The following TOP1MT variants were observed in gnomAD, a reference collection of about 807,000 sequenced individuals.
TOP1MT encodes the protein DNA topoisomerase I, mitochondrial.
In TOP1MT, 80 loss-of-function variants were observed where a neutral mutation model predicts 73.9. The ratio of observed to expected loss-of-function variants is 1.08; its 90% CI spans 0.90 to 1.30. TOP1MT has a LOEUF of 1.30. Among genes scored for constraint, TOP1MT ranks in the 50% most tolerant of loss-of-function variants. TOP1MT has a pLI of 0.00. For synonymous variants in TOP1MT, 338 were observed against 326.4 expected, an observed-to-expected ratio of 1.04 and a Z score of -0.38; for missense variants, 815 against 808.0, an observed-to-expected ratio of 1.01 and a Z score of -0.10.
intron 7 of TOP1MT, among the ~76,000 whole-genome samples, chr8:143,322,935 CAG>C (rs1335199237): frequency 3.4e-5 from 4 of 118,606 alleles, no homozygotes; most frequent in African/African-American, 1.2e-4. Context: ...ACGCCACACA[CAG>C]GCACGCCACA....
chr8:143,331,132 G>T (rs929408748), intron 2 of TOP1MT, 92 bp downstream of exon 2: 2 of 978,818 alleles, frequency 2.0e-6, no homozygotes, highest in Non-Finnish European at 1.5e-6. Context: ...AAGCCTGCAG[G>T]GGGGCTGAGG....
intron 2 of TOP1MT, chr8:143,343,212 A>G (rs1383583770): frequency 4.4e-6 from 2 of 456,194 alleles, no homozygotes; most frequent in Non-Finnish European, 4.4e-6. Context: ...CCTATTTAAG[A>G]TGCCGACTTG....
chr8:143,325,606 C>T (rs1816686438), intron 4 of TOP1MT, 73 bp from the exon 5 acceptor site: 2 of 1,379,232 alleles, frequency 1.5e-6, no homozygotes, highest in Admixed American at 1.8e-5. Flanking sequence ...TTGTTGCTAA[C>T]CCGGGACCAC....
At chr8:143,348,422 G>A (rs943023039), upstream of TOP1MT, among the ~76,000 whole-genome samples, 1 of 152,154 alleles carries the variant, frequency 6.6e-6, no homozygotes, top group African/African-American at 2.4e-5. This position sits in a 1 kb window ranked among gnomAD's most constrained non-coding sequence, Gnocchi z 4.6. Flanking sequence ...ATGTGACCCT[G>A]TGGCCCTTCT....
chr8:143,319,433 T>A (rs1041870021), intron 8 of TOP1MT, among the ~76,000 whole-genome samples: 1 of 152,150 alleles, frequency 6.6e-6, no homozygotes, highest in Non-Finnish European at 1.5e-5. Context: ...GTGTCTGGAC[T>A]ACAGGTGTGG....
intron 8 of TOP1MT, among the ~76,000 whole-genome samples, chr8:143,320,942 C>CG (rs955988170): frequency 4.9e-4 from 75 of 152,292 alleles, no homozygotes; most frequent in African/African-American, 1.8e-3. Flanking sequence ...ATGCTCCGGC[C>CG]GGGGGGCAGG....
At chr8:143,309,588 C>G (rs1287121255) in intron 13 of TOP1MT, 45 bp from the exon 14 acceptor site, 14 of 1,610,078 alleles carry the variant, frequency 8.7e-6, no homozygotes, top group Non-Finnish European at 1.1e-5. Context: ...AACTCACCCA[C>G]CTTGAAGGCC....
intron 3 of TOP1MT, chr8:143,327,692 G>C: frequency 2.5e-6 from 1 of 393,530 alleles, no homozygotes; most frequent in South Asian, 1.9e-5. Context: ...CTGACCAGAG[G>C]GAGAATGAGG....
intron 8 of TOP1MT, among the ~76,000 whole-genome samples, chr8:143,320,877 T>G (rs1262054117): frequency 1.3e-5 from 2 of 151,820 alleles, no homozygotes; most frequent in Non-Finnish European, 2.9e-5. Context: ...TGAGCGACAA[T>G]AAACGTCTGT....
chr8:143,315,055 C>G (rs546816500), intron 12 of TOP1MT, among the ~76,000 whole-genome samples: 175 of 152,238 alleles, frequency 1.1e-3, no homozygotes, highest in African/African-American at 4.1e-3. Flanking sequence ...CTAGCGGTAG[C>G]ATCAGTGTCA....
In TOP1MT at chr8:143,342,291, C is replaced by T. The variant is rs1015893109; in HGVS notation, c.29+929G>A. Among the ~76,000 whole-genome samples the T allele has an allele frequency of 4.5e-5, 6 of 132,136 alleles. No individual in the cohort carries two copies. In the East Asian group the frequency reaches 6.4e-4, roughly 14 times the overall value. The allele number at this position is 132,136 out of a possible 152,430, so 86.7% of individuals were successfully genotyped here. ...ATTATTATTATTAGAGACAGAGTCT[C>T]GCTGTTATTATTATTATTATTAGAG... is the stretch of plus-strand genomic sequence containing the variant. On this transcript the variant is annotated intron_variant, in intron 2 of 5. Transcript: ENST00000518007.
At chr8:143,332,564 A>G in intron 1 of TOP1MT, 1 of 1,289,410 alleles carries the variant, frequency 7.8e-7, no homozygotes. Flanking sequence ...GTCGGCTGGG[A>G]TGAGTGTCCT....
rs1349680049 is a variant in TOP1MT at position 143,325,513 on chromosome 8, T to G, written c.504A>C (p.Glu168Asp). ...EEKQKLKEEA[E>D]KLQQEFGYCI... ...AGTAGCCGAACTCTTGCTGAAGTTTTTCTGCCTCTTCTTTTAGCTTCTGAG... is the reference window on the plus strand; with the variant it reads ...AGTAGCCGAACTCTTGCTGAAGTTTGTCTGCCTCTTCTTTTAGCTTCTGAG... The change falls in exon 5 of 14, where the codon GAA becomes GAC. Residue 168 changes from glutamate (E) to aspartate (D), a missense_variant. Coordinates refer to ENST00000329245, the MANE Select transcript of TOP1MT (RefSeq NM_052963.3). 1 of 1,609,656 alleles carries G rather than the reference T, an allele frequency of 6.2e-7. No individual in the cohort carries two copies. Among genetic ancestry groups the G allele is most frequent in the Non-Finnish European group, 8.5e-7 (1 of 1,176,304 alleles).
intron 1 of TOP1MT, chr8:143,334,373 G>A (rs959482390): frequency 5.5e-6 from 1 of 182,442 alleles, no homozygotes; most frequent in African/African-American, 2.4e-5. Context: ...GGAAAGAGCG[G>A]GTCTCAGAAG....
intron 1 of TOP1MT, among the ~76,000 whole-genome samples, chr8:143,351,047 T>C (rs190034255): frequency 4.5e-4 from 69 of 152,148 alleles, no homozygotes; most frequent in Admixed American, 3.7e-3. Flanking sequence ...CATCATCGGG[T>C]CAAATTCCTC....
At chr8:143,349,283 G>A (rs143709399), upstream of TOP1MT, among the ~76,000 whole-genome samples, 125 of 151,986 alleles carry the variant, frequency 8.2e-4, no homozygotes, top group Middle Eastern at 3.4e-3. Context: ...TCAGGCACAC[G>A]GCACCTGCTC....
In TOP1MT at chr8:143,341,942, G is replaced by A. The variant is rs1171861064; in HGVS notation, c.29+1278C>T. The stretch of plus-strand genomic sequence containing the variant: ...ATTATTATTATTGAGACAGAGTCTC[G>A]CTCTGTTATTATTATTATTAGAGAC... On this transcript the variant is annotated intron_variant, in intron 2 of 5. Coordinates refer to the TOP1MT transcript ENST00000518007. The surrounding 1 kb of genome is among the most constrained non-coding windows in gnomAD (Gnocchi z 4.1). 4.2e-5 allele frequency among the ~76,000 whole-genome samples: 6 copies of A among 142,158 alleles called. No individual in the cohort carries two copies. The highest frequency in any genetic ancestry group is 9.0e-5 in the African/African-American group (3 of 33,264). 93.3% of individuals were successfully genotyped at this position (142,158 alleles called of 152,430 possible).
At chr8:143,335,935 T>C (rs1259877823), upstream of TOP1MT, among the ~76,000 whole-genome samples, 1 of 152,166 alleles carries the variant, frequency 6.6e-6, no homozygotes, top group Non-Finnish European at 1.5e-5. Flanking sequence ...AGGTGTCCCA[T>C]CATTTCAGAA....
At chr8:143,334,599 G>T in intron 1 of TOP1MT, 141 bp downstream of exon 1, 2 of 1,216,328 alleles carry the variant, frequency 1.6e-6, no homozygotes, top group Non-Finnish European at 2.2e-6. Flanking sequence ...TCACACCGCG[G>T]CACGCATGCT....
Sources: allele counts gnomAD v4.1 joint callset (sites outside exome capture counted in the v4.1 genomes callset), GRCh38; gene constraint gnomAD v4.1.1; non-coding constraint Gnocchi (gnomAD v3.1); transcripts MANE v1.5; gene names NCBI Gene and HGNC (gene_info 2026-07-23, HGNC 2026-07-21).